LEMD3: variants seen among roughly 807,000 people sequenced by gnomAD.
The protein encoded by LEMD3 is LEM domain containing 3, also known as inner nuclear membrane protein Man1.
A neutral mutation model predicts 95.2 loss-of-function variants in LEMD3; 33 were observed. The observed-to-expected ratio is 0.35, with a 90% CI of 0.26 to 0.46. The LOEUF (loss-of-function observed/expected upper bound fraction) is 0.46. Among genes scored for constraint, LEMD3 ranks in the 20% least tolerant of loss-of-function variants. LEMD3 has a pLI of 1.00. For missense variants in LEMD3, 1,210 were observed against 1,192.8 expected (o/e 1.01, Z -0.21); for synonymous variants, 525 against 474.6 (o/e 1.11, Z -1.38).
At chr12:65,238,210 G>T (rs1298090140) in intron 4 of LEMD3, among the ~76,000 whole-genome samples, 1 of 152,122 alleles carries the variant, frequency 6.6e-6, no homozygotes, top group African/African-American at 2.4e-5. Flanking sequence ...AGGAGGCGGG[G>T]GCTGCAGTGA....
intron 1 of LEMD3, among the ~76,000 whole-genome samples, chr12:65,206,600 A>G (rs1009959980): frequency 6.6e-6 from 1 of 152,132 alleles, no homozygotes; most frequent in African/African-American, 2.4e-5. Context: ...GGTACACTCT[A>G]TAGTAGTCAT....
At chr12:65,171,545 T>A (rs1868551051) in intron 1 of LEMD3, 1 of 204,368 alleles carries the variant, frequency 4.9e-6, no homozygotes, top group African/African-American at 2.3e-5. Context: ...GCTCTTGAAA[T>A]TCGAATTATT....
At chr12:65,196,805 T>C (rs1869446668) in intron 1 of LEMD3, among the ~76,000 whole-genome samples, 1 of 152,158 alleles carries the variant, frequency 6.6e-6, no homozygotes, top group South Asian at 2.1e-4. Flanking sequence ...GGGGCACTTA[T>C]GCCTGTTACT....
At chr12:65,240,459 C>T (rs1049411629) in intron 8 of LEMD3, 5 of 532,738 alleles carry the variant, frequency 9.4e-6, no homozygotes, top group Non-Finnish European at 1.7e-5. Flanking sequence ...CATTCTCATT[C>T]CTAGGCATTC....
rs554852726 is a variant in LEMD3, at chr12:65,170,752, C to G, written c.1156C>G (p.Leu386Val). 2 of 1,614,250 alleles carry G rather than the reference C, an allele frequency of 1.2e-6. No homozygotes were observed. Among genetic ancestry groups the G allele is most frequent in the Admixed American group, 1.7e-5 (1 of 60,032 alleles). Residue 386 changes from leucine (L) to valine (V), a missense_variant, in exon 1 of 13, where the codon CTT (leucine) becomes GTT (valine). Leu to Val is a conservative substitution (Grantham distance 32, BLOSUM62 1). Transcript: ENST00000308330. ...DSTLDSSTGSLLKTNNHIGGG... is the reference protein window; with the variant it reads ...DSTLDSSTGSVLKTNNHIGGG... ...AACCTTGGATTCGTCAACAGGCTCC[C>G]TTCTGAAAACCAATAATCATATTGG... is the stretch of plus-strand genomic sequence containing the variant.
rs935984789 is a variant in LEMD3, at chr12:65,175,147, A to G, written c.1522+4029A>G. Reference sequence around the variant, plus strand: ...GTTAAAGGTAGGTATGGGCCAGATCATAAAGACCTAAACGCCTTGAGGGCC... The same window carrying G: ...GTTAAAGGTAGGTATGGGCCAGATCGTAAAGACCTAAACGCCTTGAGGGCC... On this transcript the variant is annotated intron_variant, in intron 1 of 12. Transcript: ENST00000308330. Among the ~76,000 whole-genome samples, 70 of 152,342 alleles carry G rather than the reference A, an allele frequency of 4.6e-4. 1 individual carries two copies. The highest frequency in any genetic ancestry group is 1.6e-3 in the African/African-American group (67 of 41,576).
rs532186868 is a variant in LEMD3 at position 65,186,479 on chromosome 12, A to G, written c.1522+15361A>G. On this transcript the variant is annotated intron_variant, in intron 1 of 12. Coordinates refer to ENST00000308330, the MANE Select transcript of LEMD3 (RefSeq NM_014319.5). ...CTCATTTACTTTGAAAATATTCAGTACCTTTTAAAAAATTCTAATATTTGG... is the reference window on the plus strand; with the variant it reads ...CTCATTTACTTTGAAAATATTCAGTGCCTTTTAAAAAATTCTAATATTTGG... 1.2e-3 allele frequency among the ~76,000 whole-genome samples: 187 copies of G among 152,092 alleles called. 2 individuals carry two copies. Among genetic ancestry groups the G allele is most frequent in the African/African-American group, 4.4e-3 (183 of 41,536 alleles).
intron 10 of LEMD3, 98 bp from the exon 11 acceptor site, chr12:65,245,571 A>G (rs1008051822): frequency 8.3e-6 from 7 of 843,130 alleles, no homozygotes; most frequent in African/African-American, 3.4e-5. Context: ...TTTTAAAACT[A>G]TACCAATTCT....
chr12:65,188,668 C>A (rs969785), intron 1 of LEMD3, among the ~76,000 whole-genome samples: 151,471 of 152,266 alleles, frequency 0.99, 75,347 homozygotes, highest in Middle Eastern at 1. Flanking sequence ...TCAGCCTCTC[C>A]ATCTTGAGTG....
chr12:65,215,771 A>G (rs952310596), intron 2 of LEMD3, among the ~76,000 whole-genome samples: 5 of 152,162 alleles, frequency 3.3e-5, no homozygotes, highest in Non-Finnish European at 4.4e-5. Context: ...CGTTCTCCAG[A>G]AAGTGAAATA....
intron 1 of LEMD3, among the ~76,000 whole-genome samples, chr12:65,173,636 G>C (rs1476159467): frequency 6.6e-6 from 1 of 152,140 alleles, no homozygotes; most frequent in Non-Finnish European, 1.5e-5. Flanking sequence ...GTATTATTCA[G>C]AAATTTGGAC....
chr12:65,191,809 C>G (rs779238402), intron 1 of LEMD3, among the ~76,000 whole-genome samples: 1 of 151,264 alleles, frequency 6.6e-6, no homozygotes, highest in Admixed American at 6.6e-5. Flanking sequence ...CCTGTGGTCC[C>G]GGTTACTCAG....
chr12:65,174,387 T>A (rs1333753599), intron 1 of LEMD3, among the ~76,000 whole-genome samples: 1 of 152,126 alleles, frequency 6.6e-6, no homozygotes, highest in Non-Finnish European at 1.5e-5. Flanking sequence ...GTTCCACAGG[T>A]GATTAGATCA....
intron 4 of LEMD3, among the ~76,000 whole-genome samples, chr12:65,220,414 GTTAT>G (rs1179602327): frequency 1.3e-5 from 2 of 152,038 alleles, no homozygotes; most frequent in Non-Finnish European, 1.5e-5. Context: ...TTTAAGTTGG[GTTAT>G]TTATTTTGTT....
At chr12:65,227,262 A>G (rs914290360) in intron 4 of LEMD3, among the ~76,000 whole-genome samples, 9 of 152,238 alleles carry the variant, frequency 5.9e-5, no homozygotes, top group East Asian at 3.8e-4. Context: ...TAGTAGGACT[A>G]TCTTATCCCA....
intron 1 of LEMD3, among the ~76,000 whole-genome samples, chr12:65,187,754 G>T (rs1015018248): frequency 6.6e-6 from 1 of 151,978 alleles, no homozygotes; most frequent in African/African-American, 2.4e-5. Context: ...CAGGGTGAGG[G>T]TTCATAAATT....
chr12:65,241,197 T>C (rs2136355564), intron 9 of LEMD3, 110 bp downstream of exon 9: 1 of 873,434 alleles, frequency 1.1e-6, no homozygotes, highest in Non-Finnish European at 1.8e-6. Flanking sequence ...CAAAACTCTC[T>C]CGTTCTGTTT....
intron 1 of LEMD3, among the ~76,000 whole-genome samples, chr12:65,205,165 C>G (rs1362677686): frequency 2.0e-5 from 3 of 152,142 alleles, no homozygotes; most frequent in African/African-American, 7.2e-5. Flanking sequence ...AACTCACTAT[C>G]ATGAGAACAG....
In LEMD3 at chr12:65,233,904, A is replaced by G. The variant is rs1156541960; in HGVS notation, c.1696-4598A>G. 2.6e-5 allele frequency among the ~76,000 whole-genome samples: 4 copies of G among 152,324 alleles called. No individual in the cohort carries two copies. The East Asian group carries it at 5.8e-4, about 22-fold the overall frequency. On this transcript the variant is annotated intron_variant, in intron 4 of 12. Transcript: ENST00000308330. ...AGAGTTCATGGGGGTATGCGTGAGT[A>G]CACACATAATGTGTTAGATTTAAGA...
Sources: gnomAD v4.1 joint callset for allele counts (sites outside exome capture counted in the v4.1 genomes callset) on GRCh38, gnomAD v4.1.1 for gene constraint, MANE v1.5 for transcripts, NCBI Gene and HGNC (gene_info 2026-07-23, HGNC 2026-07-21) for gene names.